FHIT: variants seen among roughly 807,000 people sequenced by gnomAD.
FHIT encodes the protein fragile histidine triad diadenosine triphosphatase, also known as bis(5'-adenosyl)-triphosphatase.
FHIT carries 19 observed loss-of-function variants against 17.9 expected under a neutral mutation model. The ratio of observed to expected loss-of-function variants is 1.06; its 90% CI spans 0.74 to 1.56. The LOEUF (loss-of-function observed/expected upper bound fraction) is 1.56. Among genes scored for constraint, FHIT ranks in the 40% most tolerant of loss-of-function variants. FHIT has a pLI of 0.00. For synonymous variants in FHIT, 81 were observed against 69.7 expected (o/e 1.16, Z -0.81); for missense variants, 248 against 189.2 (o/e 1.31, Z -1.82).
At chr3:60,188,333 A>G (rs1359472839) in intron 5 of FHIT, among the ~76,000 whole-genome samples, 1 of 151,862 alleles carries the variant, frequency 6.6e-6, no homozygotes, top group African/African-American at 2.4e-5. Context: ...GTACTTGGTA[A>G]AATAAATAGA....
intron 4 of FHIT, among the ~76,000 whole-genome samples, chr3:60,634,354 G>A (rs955344392): frequency 2.6e-5 from 4 of 152,066 alleles, no homozygotes; most frequent in East Asian, 1.9e-4. Flanking sequence ...AAAATTCACC[G>A]CTACATAAAT....
intron 5 of FHIT, among the ~76,000 whole-genome samples, chr3:60,514,684 GAAC>G (rs1427115590): frequency 1.3e-5 from 2 of 152,186 alleles, no homozygotes; most frequent in South Asian, 2.1e-4. Flanking sequence ...ATAAGTGGTG[GAAC>G]AACAACAACG....
At chr3:60,485,157 A>T (rs1269179920) in intron 5 of FHIT, among the ~76,000 whole-genome samples, 2 of 152,144 alleles carry the variant, frequency 1.3e-5, no homozygotes, top group Non-Finnish European at 2.9e-5. Flanking sequence ...GAAACAACAG[A>T]TGCTGGTGAG....
At chr3:60,891,598 C>T (rs1705520073) in intron 3 of FHIT, among the ~76,000 whole-genome samples, 3 of 152,112 alleles carry the variant, frequency 2.0e-5, no homozygotes, top group Admixed American at 1.3e-4. Flanking sequence ...TCATACGTGT[C>T]TATATTTTTT....
chr3:60,445,108 A>C (rs1411178915), intron 5 of FHIT, among the ~76,000 whole-genome samples: 1 of 152,080 alleles, frequency 6.6e-6, no homozygotes, highest in Non-Finnish European at 1.5e-5. Context: ...AGTACTCTAA[A>C]ATATGGTAAT....
rs142511955 is a variant in FHIT at position 60,553,500 on chromosome 3, AAAATAT to A, written c.-17-16527_-17-16522del. ...TATATAAAAATTATATATATTTAAA[AAAATAT>A]ATATATATATATATAGAGAGAGAGA... On this transcript the variant is annotated intron_variant, in intron 4 of 9. Coordinates refer to ENST00000492590, the MANE Select transcript of FHIT (RefSeq NM_002012.4). 4.9e-3 allele frequency: 650 copies of A among 132,916 alleles called. 12 individuals carry two copies. The highest frequency in any genetic ancestry group is 0.025 in the East Asian group (94 of 3,794). 8.2% of individuals were successfully genotyped at this position (132,916 alleles called of 1,614,324 possible). A position where few individuals can be genotyped will look rare whatever the true frequency, so the allele number is the denominator to read the frequency against.
At chr3:59,842,311 A>G (rs1157461540) in intron 8 of FHIT, among the ~76,000 whole-genome samples, 2 of 152,188 alleles carry the variant, frequency 1.3e-5, no homozygotes, top group African/African-American at 2.4e-5. Flanking sequence ...TCATGTTTCA[A>G]TGGATACTGA....
At chr3:60,803,144 T>A (rs1392640262) in intron 4 of FHIT, among the ~76,000 whole-genome samples, 3 of 152,178 alleles carry the variant, frequency 2.0e-5, no homozygotes, top group Non-Finnish European at 4.4e-5. Flanking sequence ...TAGTACTTAC[T>A]GGGCAAAGGG....
intron 3 of FHIT, among the ~76,000 whole-genome samples, chr3:60,823,923 T>A (rs1553740143): frequency 1.3e-5 from 2 of 152,028 alleles, no homozygotes; most frequent in Non-Finnish European, 1.5e-5. Context: ...CCCAGGCAGG[T>A]GCATGTTTGT....
intron 4 of FHIT, among the ~76,000 whole-genome samples, chr3:60,692,712 T>C (rs1267917738): frequency 1.3e-5 from 2 of 152,190 alleles, no homozygotes; most frequent in Non-Finnish European, 2.9e-5. Flanking sequence ...ATAATAAATC[T>C]ATGTCATTTT....
chr3:60,076,107 C>G (rs938778945), intron 5 of FHIT, among the ~76,000 whole-genome samples: 1 of 152,096 alleles, frequency 6.6e-6, no homozygotes, highest in East Asian at 1.9e-4. Context: ...TACATCAAGA[C>G]GTAATCATCT....
rs2031659841 is a variant in FHIT, at chr3:60,450,435, T to C, written c.103+86425A>G. On this transcript the variant is annotated intron_variant, in intron 5 of 9. Coordinates refer to ENST00000492590, the MANE Select transcript of FHIT (RefSeq NM_002012.4). Reference sequence around the variant, plus strand: ...ATCTCTAAGAGCTGAGCTGTGCATATTATCCAGGTCCTGTATAGAACTGTA... The same window carrying C: ...ATCTCTAAGAGCTGAGCTGTGCATACTATCCAGGTCCTGTATAGAACTGTA... Among the ~76,000 whole-genome samples, 4 of 152,202 alleles carry C rather than the reference T, an allele frequency of 2.6e-5. No individual in the cohort carries two copies. The South Asian group carries it at 8.3e-4, about 32-fold the overall frequency.
intron 8 of FHIT, among the ~76,000 whole-genome samples, chr3:59,863,186 C>G (rs1559674887): frequency 6.6e-6 from 1 of 152,164 alleles, no homozygotes; most frequent in Non-Finnish European, 1.5e-5. Context: ...TGCAGTTACC[C>G]ACTCCCTCTC....
At chr3:60,600,537 A>C (rs1268719119) in intron 4 of FHIT, among the ~76,000 whole-genome samples, 1 of 152,218 alleles carries the variant, frequency 6.6e-6, no homozygotes. Context: ...AAGTGGTATA[A>C]GCTTTGCTAT....
At position 60,179,507 on chromosome 3, in the gene FHIT, C is replaced by T. The variant is rs551564998; in HGVS notation, c.104-165355G>A. 3.3e-5 allele frequency among the ~76,000 whole-genome samples: 5 copies of T among 152,200 alleles called. No homozygotes were observed. In the East Asian group the frequency reaches 7.7e-4, roughly 23 times the overall value. ...ATGGAAATGGAACTTGTTCCGTGAC[C>T]TTCCCTTTGTGAGAATATGCCAAAT... On this transcript the variant is annotated intron_variant, in intron 5 of 9. Transcript: ENST00000492590.
chr3:61,029,669 A>T (rs969548729), intron 3 of FHIT, among the ~76,000 whole-genome samples: 12 of 152,370 alleles, frequency 7.9e-5, no homozygotes, highest in East Asian at 1.9e-4. Context: ...CAAATTAGAG[A>T]GAAAAGGTAG....
intron 4 of FHIT, among the ~76,000 whole-genome samples, chr3:60,602,374 C>G (rs2038471946): frequency 6.6e-6 from 1 of 152,088 alleles, no homozygotes; most frequent in Non-Finnish European, 1.5e-5. Flanking sequence ...GGAGCAATGT[C>G]TAAACTTCAG....
At chr3:60,771,421 C>T (rs1360886016) in intron 4 of FHIT, among the ~76,000 whole-genome samples, 3 of 152,168 alleles carry the variant, frequency 2.0e-5, no homozygotes, top group Admixed American at 6.5e-5. Flanking sequence ...AAAACAGGAA[C>T]GGAGTGGTCT....
intron 5 of FHIT, among the ~76,000 whole-genome samples, chr3:60,435,849 C>G (rs1416102692): frequency 6.6e-6 from 1 of 152,038 alleles, no homozygotes; most frequent in Non-Finnish European, 1.5e-5. Flanking sequence ...GTGTTGTTCC[C>G]CTCTATGTGT....
Sources: gnomAD v4.1 joint callset for allele counts (sites outside exome capture counted in the v4.1 genomes callset) on GRCh38, gnomAD v4.1.1 for gene constraint, MANE v1.5 for transcripts, NCBI Gene and HGNC (gene_info 2026-07-23, HGNC 2026-07-21) for gene names.